EYA4: variants seen among roughly 807,000 people sequenced by gnomAD.
EYA4 encodes protein phosphatase EYA4.
EYA4 carries 31 observed loss-of-function variants against 87.9 expected under a neutral mutation model. The observed-to-expected ratio is 0.35, with a 90% confidence interval of 0.27 to 0.48. The LOEUF (loss-of-function observed/expected upper bound fraction) is 0.48, where lower values mean the gene tolerates loss of function less well. Among genes scored for constraint, EYA4 ranks in the 20% least tolerant of loss-of-function variants. The pLI, the probability that EYA4 is intolerant of heterozygous loss-of-function variation, is 0.99. For synonymous variants in EYA4, 263 were observed against 270.6 expected (o/e 0.97, Z 0.28); for missense variants, 678 against 761.4 (o/e 0.89, Z 1.29).
intron 3 of EYA4, among the ~76,000 whole-genome samples, chr6:133,389,005 C>G (rs192189786): frequency 6.6e-6 from 1 of 152,144 alleles, no homozygotes; most frequent in African/African-American, 2.4e-5. Flanking sequence ...CTGCTACTTG[C>G]CTCTCTCCAC....
chr6:133,450,236 C>T (rs1272820342), intron 5 of EYA4, among the ~76,000 whole-genome samples: 1 of 152,160 alleles, frequency 6.6e-6, no homozygotes, highest in African/African-American at 2.4e-5. Flanking sequence ...CGGCCCGCCT[C>T]AGCCTCCCGA....
At chr6:133,266,969 A>G (rs1054138472) in intron 1 of EYA4, among the ~76,000 whole-genome samples, 15 of 151,496 alleles carry the variant, frequency 9.9e-5, no homozygotes, top group African/African-American at 3.2e-4. Flanking sequence ...GCCTTGAGCT[A>G]GGTATTGTAG....
intron 2 of EYA4, among the ~76,000 whole-genome samples, chr6:133,370,268 T>G (rs1032109813): frequency 5.7e-4 from 86 of 152,188 alleles, no homozygotes; most frequent in African/African-American, 1.7e-3. Flanking sequence ...TTTCAGGTTT[T>G]GGGGTTTTGA....
At chr6:133,454,210 A>G (rs192876103) in intron 5 of EYA4, among the ~76,000 whole-genome samples, 15 of 152,318 alleles carry the variant, frequency 9.8e-5, no homozygotes, top group Admixed American at 4.6e-4. Context: ...GTTCGTAGAT[A>G]TAGATATGCA....
intron 3 of EYA4, among the ~76,000 whole-genome samples, chr6:133,413,588 A>G (rs191391342): frequency 1.3e-5 from 2 of 151,900 alleles, no homozygotes; most frequent in East Asian, 1.9e-4. Flanking sequence ...GATATCATGT[A>G]TATGTTCCTC....
chr6:133,280,092 T>G (rs1201134539), intron 2 of EYA4, among the ~76,000 whole-genome samples: 1 of 152,246 alleles, frequency 6.6e-6, no homozygotes, highest in Non-Finnish European at 1.5e-5. Flanking sequence ...AATGTTGGAT[T>G]ATTCTTTTTC....
intron 2 of EYA4, among the ~76,000 whole-genome samples, chr6:133,373,642 A>G (rs1186651552): frequency 6.6e-6 from 1 of 152,006 alleles, no homozygotes; most frequent in Non-Finnish European, 1.5e-5. Context: ...TCTTTTTGCT[A>G]TGCTAATACA....
chr6:133,523,436 A>G (rs940964950), intron 18 of EYA4, among the ~76,000 whole-genome samples: 16 of 152,114 alleles, frequency 1.1e-4, no homozygotes, highest in Non-Finnish European at 2.4e-4. Context: ...TCTAAATAAT[A>G]TGTAATACCT....
intron 3 of EYA4, among the ~76,000 whole-genome samples, chr6:133,383,606 A>G (rs1453585796): frequency 1.4e-5 from 2 of 146,030 alleles, no homozygotes; most frequent in African/African-American, 5.0e-5. Flanking sequence ...TAGTCCACTT[A>G]TAGTTTGAGT....
intron 2 of EYA4, among the ~76,000 whole-genome samples, chr6:133,328,946 G>A (rs1346068889): frequency 6.6e-6 from 1 of 151,956 alleles, no homozygotes; most frequent in South Asian, 2.1e-4. Context: ...ACAAATAGAG[G>A]GCCACCTGAG....
chr6:133,265,459 A>G (rs928187240), intron 1 of EYA4, among the ~76,000 whole-genome samples: 3 of 152,160 alleles, frequency 2.0e-5, no homozygotes, highest in Non-Finnish European at 4.4e-5. Context: ...ATTATGAGGT[A>G]ATGCTTCTCT....
At chr6:133,356,530 A>AT (rs1444758036) in intron 2 of EYA4, among the ~76,000 whole-genome samples, 2 of 152,108 alleles carry the variant, frequency 1.3e-5, no homozygotes, top group Non-Finnish European at 2.9e-5. Context: ...AACTATTGTT[A>AT]TGAAAGTTAT....
intron 2 of EYA4, among the ~76,000 whole-genome samples, chr6:133,379,526 G>C (rs1358842667): frequency 6.6e-6 from 1 of 152,010 alleles, no homozygotes; most frequent in Admixed American, 6.6e-5. Flanking sequence ...TTTGTCTTCG[G>C]TATATCTAAT....
intron 14 of EYA4, among the ~76,000 whole-genome samples, chr6:133,511,261 A>C (rs1583512238): frequency 6.6e-6 from 1 of 152,188 alleles, no homozygotes; most frequent in Non-Finnish European, 1.5e-5. Context: ...AATAATGAAT[A>C]TAAATAGTAG....
intron 1 of EYA4, among the ~76,000 whole-genome samples, chr6:133,263,919 A>T (rs553599239): frequency 6.6e-6 from 1 of 152,248 alleles, no homozygotes; most frequent in African/African-American, 2.4e-5. Context: ...AGGTCTGCAC[A>T]TGGACTGGAA....
At chr6:133,431,869 G>C (rs138782613) in intron 3 of EYA4, among the ~76,000 whole-genome samples, 1 of 151,762 alleles carries the variant, frequency 6.6e-6, no homozygotes, top group Non-Finnish European at 1.5e-5. Context: ...TAGGGCAGAA[G>C]TTACAGAATG....
intron 2 of EYA4, among the ~76,000 whole-genome samples, chr6:133,284,664 A>G (rs1777888975): frequency 6.6e-6 from 1 of 152,232 alleles, no homozygotes; most frequent in South Asian, 2.1e-4. Context: ...TTAGCATAAG[A>G]TTATATGATA....
At chr6:133,342,865 A>G (rs1189251611) in intron 2 of EYA4, among the ~76,000 whole-genome samples, 1 of 152,132 alleles carries the variant, frequency 6.6e-6, no homozygotes, top group African/African-American at 2.4e-5. Flanking sequence ...AAAATATGGT[A>G]CAGATTTGAT....
chr6:133,358,388 C>T (rs1784223489), intron 2 of EYA4, among the ~76,000 whole-genome samples: 1 of 152,104 alleles, frequency 6.6e-6, no homozygotes, highest in Non-Finnish European at 1.5e-5. Flanking sequence ...ATCTCACAGG[C>T]TCAAATGAGA....
Sources: gnomAD v4.1 joint callset for allele counts (sites outside exome capture counted in the v4.1 genomes callset) on GRCh38, gnomAD v4.1.1 for gene constraint, MANE v1.5 for transcripts, NCBI Gene and HGNC (gene_info 2026-07-23, HGNC 2026-07-21) for gene names.